Variants in PPP1R12B observed in about 807,000 individuals in gnomAD.
PPP1R12B encodes myosin phosphatase target subunit 2.
A neutral mutation model predicts 126.1 loss-of-function variants in PPP1R12B; 76 were observed. That is an observed-to-expected ratio of 0.60 (90% CI 0.50 to 0.73). The LOEUF is 0.73. Among genes scored for constraint, PPP1R12B ranks in the 30% least tolerant of loss-of-function variants. The pLI is 0.00. For synonymous variants in PPP1R12B, 356 were observed against 434.7 expected, an observed-to-expected ratio of 0.82 and a Z score of 2.25; for missense variants, 1,052 against 1,205.1, an observed-to-expected ratio of 0.87 and a Z score of 1.88.
At chr1:202,449,863 T>G (rs1272273987) in intron 13 of PPP1R12B, among the ~76,000 whole-genome samples, 2 of 151,586 alleles carry the variant, frequency 1.3e-5, no homozygotes, top group Non-Finnish European at 2.9e-5. Flanking sequence ...ATCTTTTATA[T>G]TTTTAGTAGA....
intron 1 of PPP1R12B, among the ~76,000 whole-genome samples, chr1:202,371,858 CTTTTTTTTT>C (rs1193939057): frequency 1.3e-5 from 1 of 75,356 alleles, no homozygotes; most frequent in Non-Finnish European, 2.5e-5. Flanking sequence ...ATTATAGTTT[CTTTTTTTTT>C]TTTTTTTTTT....
At chr1:202,557,794 A>T (rs76162649) in intron 18 of PPP1R12B, among the ~76,000 whole-genome samples, 1,847 of 152,322 alleles carry the variant, frequency 0.012, 49 homozygotes, top group African/African-American at 0.042. Context: ...AGATTCTATG[A>T]GGAAATGTCA....
chr1:202,513,295 A>G (rs1324322242), intron 18 of PPP1R12B, among the ~76,000 whole-genome samples: 1 of 152,108 alleles, frequency 6.6e-6, no homozygotes, highest in African/African-American at 2.4e-5. Flanking sequence ...CATTATATTT[A>G]CAAGAATATC....
rs751661434 is a variant in PPP1R12B at position 202,493,188 on chromosome 1, G to A, written c.2016G>A (p.Glu672=). ...CGAGGGCAGAGAGGCAAGCTCAGGA[G>A]CAGCCTCGTGAGAAGCCCACAGACA... ...SRSRAERQAQ[E]QPREKPTDTE... Residue 672 remains glutamate (E), a synonymous_variant, in exon 15 of 24, where the codon GAG becomes GAA. Coordinates refer to ENST00000608999, the MANE Select transcript of PPP1R12B (RefSeq NM_002481.4). 1 of 1,612,600 alleles carries A rather than the reference G, an allele frequency of 6.2e-7. No homozygotes were observed. Among genetic ancestry groups the A allele is most frequent in the Non-Finnish European group, 8.5e-7 (1 of 1,179,854 alleles).
chr1:202,459,590 G>A (rs964261583), intron 13 of PPP1R12B, among the ~76,000 whole-genome samples: 2 of 152,142 alleles, frequency 1.3e-5, no homozygotes, highest in African/African-American at 2.4e-5. Context: ...AAGATGGAAA[G>A]GAATAGAACA....
rs777343765 is a variant in PPP1R12B at position 202,449,075 on chromosome 1, A to G, written c.1754A>G (p.Asn585Ser). 59 of 1,613,740 alleles carry G rather than the reference A, an allele frequency of 3.7e-5. No homozygotes were observed. The highest frequency in any genetic ancestry group is 4.9e-5 in the Non-Finnish European group (58 of 1,179,836). The change falls in exon 13 of 24, where the codon AAT becomes AGT. Residue 585 changes from asparagine to serine, a missense_variant. Coordinates refer to ENST00000608999, the MANE Select transcript of PPP1R12B (RefSeq NM_002481.4). ...SSSTPLCVIT[N>S]RPLPSTANGV... is the part of the protein sequence containing the mutation. ...AGCACCCCGCTCTGTGTGATCACCA[A>G]TCGCCCTCTTCCTAGCACTGCCAAT...
At chr1:202,470,449 A>C (rs1178288942) in intron 13 of PPP1R12B, among the ~76,000 whole-genome samples, 1 of 152,232 alleles carries the variant, frequency 6.6e-6, no homozygotes, top group Admixed American at 6.5e-5. Context: ...TTCTAACCTT[A>C]ACTTTTAAAA....
intron 23 of PPP1R12B, among the ~76,000 whole-genome samples, chr1:202,571,546 A>AATC (rs1688605528): frequency 6.6e-6 from 1 of 152,094 alleles, no homozygotes; most frequent in Admixed American, 6.5e-5. Flanking sequence ...AGGCAGATTC[A>AATC]ATCGCTCAAG....
chr1:202,357,610 A>G (rs901827795), intron 1 of PPP1R12B, among the ~76,000 whole-genome samples: 7 of 152,186 alleles, frequency 4.6e-5, no homozygotes, highest in Non-Finnish European at 7.3e-5. Context: ...ATTAAACCTG[A>G]TAATAGGGGC....
intron 1 of PPP1R12B, among the ~76,000 whole-genome samples, chr1:202,383,698 T>C (rs1438163599): frequency 6.6e-6 from 1 of 152,090 alleles, no homozygotes; most frequent in Non-Finnish European, 1.5e-5. Context: ...CACTCCAGCC[T>C]GGGCAACAGA....
At chr1:202,377,856 T>G (rs1034813104) in intron 1 of PPP1R12B, among the ~76,000 whole-genome samples, 2 of 101,004 alleles carry the variant, frequency 2.0e-5, no homozygotes, top group African/African-American at 3.0e-5. Context: ...TTTTTTTTTT[T>G]TTTGAGACGG....
At chr1:202,423,323 C>G (rs537855314) in intron 3 of PPP1R12B, among the ~76,000 whole-genome samples, 1 of 152,166 alleles carries the variant, frequency 6.6e-6, no homozygotes, top group Non-Finnish European at 1.5e-5. Flanking sequence ...CCACAAAACT[C>G]TGCGGACAAG....
chr1:202,404,355 A>G (rs1303788906), intron 1 of PPP1R12B, among the ~76,000 whole-genome samples: 2 of 152,016 alleles, frequency 1.3e-5, no homozygotes, highest in African/African-American at 4.8e-5. Context: ...AATTCTCACT[A>G]TTCCAAAAAA....
intron 18 of PPP1R12B, among the ~76,000 whole-genome samples, chr1:202,547,085 T>A (rs1685724931): frequency 6.6e-6 from 1 of 152,232 alleles, no homozygotes; most frequent in Admixed American, 6.5e-5. Flanking sequence ...ATGAGTTTTG[T>A]GTTGGGTTCT....
chr1:202,497,145 G>A (rs1474434171), intron 18 of PPP1R12B, among the ~76,000 whole-genome samples: 1 of 152,242 alleles, frequency 6.6e-6, no homozygotes, highest in Non-Finnish European at 1.5e-5. Context: ...AATGAAAAGT[G>A]AAGAGTGATA....
intron 12 of PPP1R12B, among the ~76,000 whole-genome samples, chr1:202,446,256 ATT>A (rs71142531): frequency 7.4e-5 from 4 of 54,340 alleles, no homozygotes; most frequent in Non-Finnish European, 9.5e-5. Flanking sequence ...ATATATATAT[ATT>A]TTTTTTTTTT....
chr1:202,555,846 C>A (rs971499660), intron 18 of PPP1R12B, among the ~76,000 whole-genome samples: 1 of 151,710 alleles, frequency 6.6e-6, no homozygotes, highest in African/African-American at 2.4e-5. Flanking sequence ...TAACTTGGTA[C>A]TCTAACCAGC....
intron 8 of PPP1R12B, among the ~76,000 whole-genome samples, chr1:202,433,261 A>T (rs188841916): frequency 1.0e-3 from 153 of 152,314 alleles, no homozygotes; most frequent in African/African-American, 3.4e-3. Context: ...TCTATTCTAG[A>T]TCACTTTTGT....
chr1:202,528,391 A>G (rs1420115406), intron 18 of PPP1R12B, among the ~76,000 whole-genome samples: 4 of 152,180 alleles, frequency 2.6e-5, no homozygotes, highest in African/African-American at 7.2e-5. Context: ...TTCAGTCATC[A>G]TGGAGCTTAG....
Sources: gnomAD v4.1 joint callset for allele counts (sites outside exome capture counted in the v4.1 genomes callset) on GRCh38, gnomAD v4.1.1 for gene constraint, MANE v1.5 for transcripts, NCBI Gene and HGNC (gene_info 2026-07-23, HGNC 2026-07-21) for gene names.